PPM1A: variants seen among roughly 807,000 people sequenced by gnomAD.
PPM1A encodes the protein protein phosphatase, Mg2+/Mn2+ dependent 1A.
PPM1A carries 7 observed loss-of-function variants against 35.0 expected under a neutral mutation model. That is an observed-to-expected ratio of 0.20 (90% CI 0.11 to 0.38). The LOEUF (loss-of-function observed/expected upper bound fraction) is 0.38. PPM1A is among the 10% of genes least tolerant of loss of function. The pLI is 1.00. For synonymous variants in PPM1A, 153 were observed against 167.3 expected, an observed-to-expected ratio of 0.91 and a Z score of 0.66; for missense variants, 239 against 467.8, an observed-to-expected ratio of 0.51 and a Z score of 4.51.
chr14:60,276,153 G>A (rs1998866), intron 1 of PPM1A, among the ~76,000 whole-genome samples: 152,018 of 152,292 alleles, frequency 1, 75,877 homozygotes, highest in Middle Eastern at 1. Flanking sequence ...GACAAAGCCC[G>A]TACATATGTA....
At chr14:60,286,829 T>C in intron 3 of PPM1A, 1 of 983,936 alleles carries the variant, frequency 1.0e-6, no homozygotes, top group Non-Finnish European at 1.2e-6. Flanking sequence ...AGTATGTGTT[T>C]GTACTATTTA....
upstream of PPM1A, among the ~76,000 whole-genome samples, chr14:60,249,016 A>G (rs1312374585): frequency 6.6e-6 from 1 of 151,880 alleles, no homozygotes. The surrounding 1 kb of genome is among the most constrained non-coding windows in gnomAD (Gnocchi z 4.5). Flanking sequence ...GCAGAGAAAG[A>G]AGCTGGGTAA....
At position 60,292,325 on chromosome 14, in the gene PPM1A, T is replaced by A; in HGVS notation, c.1120-128T>A. 1 of 659,254 alleles carries A rather than the reference T, an allele frequency of 1.5e-6. No individual in the cohort carries two copies. Among genetic ancestry groups the A allele is most frequent in the South Asian group, 2.0e-5 (1 of 49,202 alleles). 40.8% of individuals were successfully genotyped at this position (659,254 alleles called of 1,614,324 possible). A position where few individuals can be genotyped will look rare whatever the true frequency, so the allele number is the denominator to read the frequency against. ...TGTACACATATATACTTATATACTT[T>A]AAAAAACATTTATATTCTAAAAGTC... On this transcript the variant is annotated intron_variant, in intron 5 of 5. Transcript: ENST00000395076. The surrounding 1 kb of genome is among the most constrained non-coding windows in gnomAD (Gnocchi z 4.2).
At chr14:60,291,584 A>C in intron 5 of PPM1A, 130 bp downstream of exon 5, 1 of 610,956 alleles carries the variant, frequency 1.6e-6, no homozygotes, top group Non-Finnish European at 2.6e-6. Context: ...ATTGCTCTGA[A>C]CTCTGCTTGC....
rs909856439 is a variant in PPM1A, at chr14:60,295,379, G to A, written c.*2897G>A. The A allele has an allele frequency of 6.6e-6, 1 of 151,588 alleles. No homozygotes were observed. The highest frequency in any genetic ancestry group is 2.4e-5 in the African/African-American group (1 of 41,342). 9.4% of individuals were successfully genotyped at this position (151,588 alleles called of 1,614,324 possible). On this transcript the variant is annotated 3_prime_UTR_variant, in exon 6 of 6. Coordinates refer to ENST00000395076, the MANE Select transcript of PPM1A (RefSeq NM_021003.5). ...AAAATCAAAGTGATAACTTAATTCA[G>A]CTTTGGAAGTATCTCAAACATATTT...
chr14:60,259,652 G>A (rs1883522278), intron 1 of PPM1A, among the ~76,000 whole-genome samples: 2 of 152,062 alleles, frequency 1.3e-5, no homozygotes, highest in Admixed American at 6.5e-5. Flanking sequence ...ATCTGAATTA[G>A]TTAACAGATG....
upstream of PPM1A, chr14:60,246,073 A>C: frequency 3.9e-6 from 6 of 1,539,394 alleles, no homozygotes; most frequent in Non-Finnish European, 5.2e-6. Context: ...GAATTGTTGA[A>C]CCTATGTTCT....
rs201103566 is a variant in PPM1A at position 60,291,484 on chromosome 14, C to T, written c.1119+30C>T. 6.3e-4 allele frequency: 961 copies of T among 1,515,224 alleles called. 15 individuals are homozygous for T. The South Asian group carries it at 8.7e-3, about 14-fold the overall frequency. The allele number at this position is 1,515,224 out of a possible 1,614,324, so 93.9% of individuals were successfully genotyped here. A position where few individuals can be genotyped will look rare whatever the true frequency, so the allele number is the denominator to read the frequency against. On this transcript the variant is annotated intron_variant, in intron 5 of 5. Coordinates refer to ENST00000395076, the MANE Select transcript of PPM1A (RefSeq NM_021003.5). ...GTAGCATTTTAGCTCCCTCTGCTTT[C>T]CCTTCCCCTCCACTCTAAATGCATA...
chr14:60,281,328 CG>C (rs1886388810), intron 1 of PPM1A, among the ~76,000 whole-genome samples: 1 of 152,168 alleles, frequency 6.6e-6, no homozygotes, highest in Non-Finnish European at 1.5e-5. Context: ...GGTTTTATCA[CG>C]CCAATCAGCC....
chr14:60,292,585 T>A lies in PPM1A; in HGVS notation c.*103T>A, dbSNP rs1887757062. ...CCATCCTCAACTTTAAGGAAGGGGA[T>A]ATGACATGGGTGAGAATGATTACAT... On this transcript the variant is annotated 3_prime_UTR_variant, in exon 6 of 6. Transcript: ENST00000395076. The surrounding 1 kb of genome is among the most constrained non-coding windows in gnomAD (Gnocchi z 4.2). 1 of 997,536 alleles carries A rather than the reference T, an allele frequency of 1.0e-6. No homozygotes were observed. Among genetic ancestry groups the A allele is most frequent in the Non-Finnish European group, 1.5e-6 (1 of 649,714 alleles). The allele number at this position is 997,536 out of a possible 1,614,324, so 61.8% of individuals were successfully genotyped here.
intron 1 of PPM1A, among the ~76,000 whole-genome samples, chr14:60,258,262 C>G (rs1389049286): frequency 6.6e-6 from 1 of 152,046 alleles, no homozygotes; most frequent in Non-Finnish European, 1.5e-5. Context: ...TTTGGCTAGA[C>G]TACATTGAAT....
In PPM1A at chr14:60,254,535, G is replaced by A. The variant is rs185157364; in HGVS notation, c.-21+4858G>A. On this transcript the variant is annotated intron_variant, in intron 1 of 5. Transcript: ENST00000395076. ...AGATATCATTGCTACAGGAAAGGAT[G>A]CAAAAGAGTAAGGAAACTAAATCAT... is the stretch of plus-strand genomic sequence containing the variant. Among the ~76,000 whole-genome samples the A allele has an allele frequency of 3.3e-3, 505 of 152,292 alleles. 2 individuals carry two copies. Among genetic ancestry groups the A allele is most frequent in the Middle Eastern group, 6.8e-3 (2 of 294 alleles).
chr14:60,287,235 G>A (rs1244294095), intron 3 of PPM1A: 15 of 955,778 alleles, frequency 1.6e-5, no homozygotes, highest in South Asian at 9.7e-5. Flanking sequence ...TTCACTTTAC[G>A]TTATTTTGTT....
rs770440519 is a variant in PPM1A at position 60,282,771 on chromosome 14, G to A, written c.68G>A (p.Arg23Gln). ...GCCCAGGGGCAGGGTAATGGGTTGC[G>A]ATATGGGCTAAGCAGCATGCAAGGC... ...HNAQGQGNGL[R>Q]YGLSSMQGWR... is the part of the protein sequence containing the mutation. Residue 23 changes from arginine to glutamine, a missense_variant, in exon 2 of 6, where the codon CGA becomes CAA. By Grantham distance (43) the Arg-to-Gln change is conservative. Around this residue, in one of 2 missense-constraint regions of PPM1A, gnomAD observed 175 missense variants for 389.2 expected, o/e 0.45. Transcript: ENST00000395076. The surrounding 1 kb of genome is among the most constrained non-coding windows in gnomAD (Gnocchi z 5.1). The A allele has an allele frequency of 9.3e-6, 15 of 1,614,118 alleles. No homozygotes were observed. The Middle Eastern group carries it at 6.6e-4, about 71-fold the overall frequency.
intron 1 of PPM1A, among the ~76,000 whole-genome samples, chr14:60,277,915 A>C (rs1196756373): frequency 2.6e-5 from 4 of 152,282 alleles, no homozygotes; most frequent in South Asian, 4.1e-4. Context: ...CTCCCTCCTC[A>C]ACCTTGCTCC....
intron 3 of PPM1A, chr14:60,286,338 G>T (rs1887002782): frequency 1.0e-6 from 1 of 985,608 alleles, no homozygotes; most frequent in African/African-American, 1.7e-5. Flanking sequence ...AAAAGTAACT[G>T]CCAAGTAAGA....
Position 60,283,519 on chromosome 14 carries a change from C to A in PPM1A, c.816C>A (p.Val272=). ...TTGAGAAAGTTTGCAATGAAGTAGT[C>A]GACACCTGTTTGTATAAGGTAGCTA... is the stretch of plus-strand genomic sequence containing the variant. ...DDLEKVCNEV[V]DTCLYKGSRD... is the part of the protein sequence containing the mutation. The change falls in exon 2 of 6, where the codon GTC becomes GTA. Residue 272 remains valine (V), a synonymous_variant. Coordinates refer to ENST00000395076, the MANE Select transcript of PPM1A (RefSeq NM_021003.5). This position sits in a 1 kb window ranked among gnomAD's most constrained non-coding sequence, Gnocchi z 6.3. The A allele has an allele frequency of 6.2e-7, 1 of 1,611,738 alleles. No individual in the cohort carries two copies. The highest frequency in any genetic ancestry group is 1.1e-5 in the South Asian group (1 of 90,490).
At position 60,249,608 on chromosome 14, in the gene PPM1A, G is replaced by T; in HGVS notation, c.-90G>T. ...CGGCTGCCGCCGTCGCCGCCGCGGT[G>T]ACCCCCTCCCCGGCTGCCGCCGCCG... On this transcript the variant is annotated 5_prime_UTR_variant, in exon 1 of 6. Coordinates refer to ENST00000395076, the MANE Select transcript of PPM1A (RefSeq NM_021003.5). This position sits in a 1 kb window ranked among gnomAD's most constrained non-coding sequence, Gnocchi z 4.5. 1.0e-6 allele frequency: 1 copy of T among 987,264 alleles called. No homozygotes were observed. Among genetic ancestry groups the T allele is most frequent in the South Asian group, 4.5e-5 (1 of 22,134 alleles). The allele number at this position is 987,264 out of a possible 1,614,324, so 61.2% of individuals were successfully genotyped here.
chr14:60,248,613 G>C (rs1333852006), upstream of PPM1A: 2 of 152,436 alleles, frequency 1.3e-5, no homozygotes, highest in East Asian at 3.9e-4. Context: ...CTGGGGTAGG[G>C]GGGTCTGGCA....
Sources: allele counts gnomAD v4.1 joint callset (sites outside exome capture counted in the v4.1 genomes callset), GRCh38; gene constraint gnomAD v4.1.1; regional missense constraint gnomAD v4.1.1; non-coding constraint Gnocchi (gnomAD v3.1); transcripts MANE v1.5; gene names NCBI Gene and HGNC (gene_info 2026-07-23, HGNC 2026-07-21).